Variants in ANKRD24 observed in about 807,000 individuals in gnomAD.
The protein encoded by ANKRD24 is ankyrin repeat domain-containing protein 24.
Under a neutral mutation model 127.8 loss-of-function variants are expected in ANKRD24, and 109 were observed. That is an observed-to-expected ratio of 0.85 (90% confidence interval 0.73 to 1.00). ANKRD24 has a LOEUF of 1.00. ANKRD24 is among the 50% of genes least tolerant of loss of function. The pLI, the probability that ANKRD24 is intolerant of heterozygous loss-of-function variation, is 0.00. For synonymous variants in ANKRD24, 743 were observed against 671.1 expected, an observed-to-expected ratio of 1.11 and a Z score of -1.66; for missense variants, 1,648 against 1,570.2, an observed-to-expected ratio of 1.05 and a Z score of -0.84.
chr19:4,199,372 C>T lies in ANKRD24; in HGVS notation c.37-311C>T, dbSNP rs1009768835. 1.5e-5 allele frequency: 6 copies of T among 399,168 alleles called. No individual in the cohort carries two copies. Among genetic ancestry groups the T allele is most frequent in the African/African-American group, 2.2e-5 (1 of 45,786 alleles). The allele number at this position is 399,168 out of a possible 1,614,324, so 24.7% of individuals were successfully genotyped here. A position where few individuals can be genotyped will look rare whatever the true frequency, so the allele number is the denominator to read the frequency against. ...GCTACAGGCATGAGCCACCATGCCC[C>T]GCTGATGATTTTTATTTTTTGTAGA... On this transcript the variant is annotated intron_variant, in intron 2 of 21. Coordinates refer to ENST00000318934, the MANE Select transcript of ANKRD24 (RefSeq NM_001393985.1). This position sits in a 1 kb window ranked among gnomAD's most constrained non-coding sequence, Gnocchi z 5.2.
Position 4,198,495 on chromosome 19 carries a change from T to A in ANKRD24, c.37-1188T>A, listed in dbSNP as rs779637459. On this transcript the variant is annotated intron_variant, in intron 2 of 21. Transcript: ENST00000318934. This position sits in a 1 kb window ranked among gnomAD's most constrained non-coding sequence, Gnocchi z 6.1. ...CCCGCGCCCCGCGCCCCGGACGCCA[T>A]GAAGCAGCTGTGTCTGTGCGCAGCC... 3 of 622,738 alleles carry A rather than the reference T, an allele frequency of 4.8e-6. No homozygotes were observed. The South Asian group carries it at 5.1e-5, about 10-fold the overall frequency. The allele number at this position is 622,738 out of a possible 1,614,324, so 38.6% of individuals were successfully genotyped here. A position where few individuals can be genotyped will look rare whatever the true frequency, so the allele number is the denominator to read the frequency against.
chr19:4,217,064 T>TGGA lies in ANKRD24; in HGVS notation c.1907_1909dup (p.Glu636dup). ...GCCACAGACACAGAGACCACGGGAG[T>TGGA]GGAGGCCATGGGGGTGGAGGCCACA... On this transcript the variant is annotated inframe_insertion, in exon 18 of 22. Coordinates refer to ENST00000318934, the MANE Select transcript of ANKRD24 (RefSeq NM_001393985.1). 1 of 1,611,214 alleles carries TGGA rather than the reference T, an allele frequency of 6.2e-7. No homozygotes were observed. The highest frequency in any genetic ancestry group is 2.2e-5 in the East Asian group (1 of 44,734).
chr19:4,216,643 G>A lies in ANKRD24; in HGVS notation c.1483G>A (p.Glu495Lys), dbSNP rs373345481. ...PLALYDSLRA[E>K]FDQLRRQHAE... The stretch of plus-strand genomic sequence containing the variant: ...TGCCCTCTATGACTCTCTCCGGGCC[G>A]AGTTTGACCAGCTACGCAGGCAGCA... The change falls in exon 18 of 22, where the codon GAG becomes AAG. Residue 495 changes from glutamate to lysine, a missense_variant. Coordinates refer to ENST00000318934, the MANE Select transcript of ANKRD24 (RefSeq NM_001393985.1). 4.6e-5 allele frequency: 74 copies of A among 1,606,776 alleles called. No individual in the cohort carries two copies. The highest frequency in any genetic ancestry group is 5.4e-5 in the Non-Finnish European group (64 of 1,176,782).
chr19:4,204,060 T>C lies in ANKRD24; in HGVS notation c.466+1134T>C, dbSNP rs372619949. On this transcript the variant is annotated intron_variant, in intron 7 of 21. Coordinates refer to ENST00000318934, the MANE Select transcript of ANKRD24 (RefSeq NM_001393985.1). ...CTCACTGCAAGCTCCGCCTCCCGGGTCCACGCCATTCTCCTGCCTCAGCCT... is the reference window on the plus strand; with the variant it reads ...CTCACTGCAAGCTCCGCCTCCCGGGCCCACGCCATTCTCCTGCCTCAGCCT... 1.2e-4 allele frequency among the ~76,000 whole-genome samples: 17 copies of C among 142,308 alleles called. No homozygotes were observed. The East Asian group carries it at 2.7e-3, about 23-fold the overall frequency. 93.4% of individuals were successfully genotyped at this position (142,308 alleles called of 152,430 possible).
rs1282917285 is a variant in ANKRD24 at position 4,224,718 on chromosome 19, GC to G, written c.*215del. ...CACACACTGGTCAGTCTGGACCCGG[GC>G]CGTGACTGCCCCTCCCCCACCACCG... On this transcript the variant is annotated 3_prime_UTR_variant, in exon 22 of 22. Coordinates refer to ENST00000318934, the MANE Select transcript of ANKRD24 (RefSeq NM_001393985.1). 8.6e-6 allele frequency: 5 copies of G among 578,668 alleles called. No individual in the cohort carries two copies. Among genetic ancestry groups the G allele is most frequent in the Non-Finnish European group, 1.5e-5 (5 of 323,794 alleles). 35.8% of individuals were successfully genotyped at this position (578,668 alleles called of 1,614,324 possible). A position where few individuals can be genotyped will look rare whatever the true frequency, so the allele number is the denominator to read the frequency against.
Position 4,207,951 on chromosome 19 carries a change from G to A in ANKRD24, c.815G>A (p.Arg272His), listed in dbSNP as rs762667393. ...CACCTTCTGCAAGAGGCGGCCCAGC[G>A]CCCCTCCCCACCCAGCGGTATGCAA... ...ILHLLQEAAQ[R>H]PSPPSALTED... The change falls in exon 10 of 22, where the codon CGC becomes CAC. Residue 272 changes from arginine to histidine, a missense_variant. Transcript: ENST00000318934. 86 of 1,513,492 alleles carry A rather than the reference G, an allele frequency of 5.7e-5. 1 individual carries two copies. Among genetic ancestry groups the A allele is most frequent in the African/African-American group, 3.6e-4 (26 of 71,848 alleles). The allele number at this position is 1,513,492 out of a possible 1,614,324, so 93.8% of individuals were successfully genotyped here. A position where few individuals can be genotyped will look rare whatever the true frequency, so the allele number is the denominator to read the frequency against.
chr19:4,183,859 G>A (rs1184726854), intron 1 of ANKRD24, among the ~76,000 whole-genome samples: 4 of 152,138 alleles, frequency 2.6e-5, no homozygotes, highest in Admixed American at 6.5e-5. Flanking sequence ...GTGAGCCGGA[G>A]ATCGCGCCAT....
intron 2 of ANKRD24, among the ~76,000 whole-genome samples, chr19:4,193,345 G>A (rs1177390963): frequency 6.9e-6 from 1 of 144,824 alleles, no homozygotes; most frequent in Admixed American, 6.9e-5. Flanking sequence ...TATAGCTAAA[G>A]AAAGGGCTGT....
intron 15 of ANKRD24, among the ~76,000 whole-genome samples, chr19:4,213,117 C>A (rs1415076243): frequency 6.6e-6 from 1 of 151,982 alleles, no homozygotes; most frequent in African/African-American, 2.4e-5. Flanking sequence ...GGTGACAGAG[C>A]GAGACTCAGT....
At chr19:4,208,712 C>T in intron 10 of ANKRD24, 52 bp from the exon 11 acceptor site, 1 of 1,584,642 alleles carries the variant, frequency 6.3e-7, no homozygotes, top group South Asian at 1.1e-5. Flanking sequence ...CCACCAATGC[C>T]CTTCCTGGGC....
intron 11 of ANKRD24, 27 bp downstream of exon 11, chr19:4,208,828 C>T (rs372618819): frequency 4.6e-5 from 74 of 1,607,304 alleles, no homozygotes; most frequent in African/African-American, 2.3e-4. Context: ...AGTGAAGGAG[C>T]CCCTCCTCCC....
Position 4,216,032 on chromosome 19 carries a change from G to A in ANKRD24, c.1252G>A (p.Glu418Lys), listed in dbSNP as rs1432787943. Residue 418 changes from glutamate to lysine, a missense_variant, in exon 16 of 22, where the codon GAG (glutamate) becomes AAG (lysine). Glu to Lys is a moderately conservative substitution (Grantham distance 56, BLOSUM62 1). Coordinates refer to ENST00000318934, the MANE Select transcript of ANKRD24 (RefSeq NM_001393985.1). ...AACCACCCTGCAGGATGAGGAGGGTGAGCTGCCTGACCTTCCAGGTGAGCC... is the reference window on the plus strand; with the variant it reads ...AACCACCCTGCAGGATGAGGAGGGTAAGCTGCCTGACCTTCCAGGTGAGCC... ...DVTTLQDEEG[E>K]LPDLPGAEVL... is the part of the protein sequence containing the mutation. 1.3e-6 allele frequency: 2 copies of A among 1,599,258 alleles called. No individual in the cohort carries two copies. Among genetic ancestry groups the A allele is most frequent in the Admixed American group, 1.7e-5 (1 of 58,088 alleles).
chr19:4,218,148 C>A lies in ANKRD24; in HGVS notation c.2988C>A (p.Ser996Arg), dbSNP rs1193578267. 1.3e-6 allele frequency: 2 copies of A among 1,513,578 alleles called. No individual in the cohort carries two copies. The highest frequency in any genetic ancestry group is 2.5e-5 in the South Asian group (2 of 79,088). 93.8% of individuals were successfully genotyped at this position (1,513,578 alleles called of 1,614,324 possible). Reference protein sequence around the residue: ...EELGRRHEKTSAEVFQVQREA... With the variant: ...EELGRRHEKTRAEVFQVQREA... ...TGGGACGGCGGCATGAGAAGACCAG[C>A]GCAGAGGTCTTCCAGGTGAGCAGGG... The change falls in exon 18 of 22, where the codon AGC becomes AGA. Residue 996 changes from serine to arginine, a missense_variant. Physicochemically the swap from Ser to Arg is moderately radical, Grantham distance 110. Coordinates refer to ENST00000318934, the MANE Select transcript of ANKRD24 (RefSeq NM_001393985.1).
intron 2 of ANKRD24, among the ~76,000 whole-genome samples, chr19:4,192,446 A>T (rs1415447757): frequency 3.3e-5 from 5 of 150,360 alleles, no homozygotes; most frequent in African/African-American, 1.2e-4. Flanking sequence ...CCTGGCCTCA[A>T]GCGATCCTCC....
intron 21 of ANKRD24, 27 bp downstream of exon 21, chr19:4,224,219 G>C: frequency 5.0e-6 from 8 of 1,593,254 alleles, no homozygotes; most frequent in Non-Finnish European, 6.8e-6. Flanking sequence ...CTGGGTACCC[G>C]GTGGCTTTGG....
chr19:4,204,675 C>T (rs796554601), intron 7 of ANKRD24, among the ~76,000 whole-genome samples: 8 of 152,224 alleles, frequency 5.3e-5, no homozygotes, highest in African/African-American at 1.9e-4. Flanking sequence ...GCATGGCTTT[C>T]GCTGACGACT....
intron 15 of ANKRD24, 121 bp downstream of exon 15, chr19:4,212,819 C>T (rs1260665981): frequency 3.4e-6 from 3 of 884,478 alleles, no homozygotes; most frequent in South Asian, 1.7e-5. Flanking sequence ...AACACACGCA[C>T]CAGACACATG....
intron 18 of ANKRD24, 58 bp from the exon 19 acceptor site, chr19:4,219,533 G>C: frequency 6.5e-7 from 1 of 1,527,908 alleles, no homozygotes; most frequent in Non-Finnish European, 8.9e-7. Context: ...TGAATTCTGG[G>C]GTCTAGCATC....
chr19:4,202,133 ACTC>A, intron 6 of ANKRD24, 43 bp downstream of exon 6: 7 of 1,564,886 alleles, frequency 4.5e-6, no homozygotes, highest in Non-Finnish European at 5.3e-6. Context: ...GGCCCCTACT[ACTC>A]CTGAGTTCCA....
Sources: allele counts gnomAD v4.1 joint callset (sites outside exome capture counted in the v4.1 genomes callset), GRCh38; gene constraint gnomAD v4.1.1; non-coding constraint Gnocchi (gnomAD v3.1); transcripts MANE v1.5; gene names NCBI Gene and HGNC (gene_info 2026-07-23, HGNC 2026-07-21).